RBMS3: variants seen among roughly 807,000 people sequenced by gnomAD.
The protein encoded by RBMS3 is RNA-binding motif, single-stranded-interacting protein 3.
In RBMS3, 27 loss-of-function variants were observed where a neutral mutation model predicts 66.8. That is an observed-to-expected ratio of 0.40 (90% confidence interval 0.30 to 0.56). The LOEUF is 0.56. Ranked by LOEUF, RBMS3 falls within the 20% of genes least tolerant of loss-of-function variation. RBMS3 has a pLI of 0.40. For missense variants in RBMS3, 513 were observed against 549.5 expected, an observed-to-expected ratio of 0.93 and a Z score of 0.66; for synonymous variants, 188 against 183.0, an observed-to-expected ratio of 1.03 and a Z score of -0.22.
intron 13 of RBMS3, among the ~76,000 whole-genome samples, chr3:29,989,462 G>GTCTT (rs1698677282): frequency 6.6e-6 from 1 of 152,164 alleles, no homozygotes; most frequent in Non-Finnish European, 1.5e-5. Context: ...TGCAGCTGAT[G>GTCTT]TCTTTGCTAC....
intron 1 of RBMS3, among the ~76,000 whole-genome samples, chr3:29,360,438 A>T (rs1321671116): frequency 6.6e-6 from 1 of 151,924 alleles, no homozygotes; most frequent in Non-Finnish European, 1.5e-5. Flanking sequence ...CTGTTCTTTT[A>T]CATTTGCTGA....
At chr3:29,343,054 T>C (rs560338666) in intron 1 of RBMS3, among the ~76,000 whole-genome samples, 15 of 152,272 alleles carry the variant, frequency 9.9e-5, no homozygotes, top group African/African-American at 3.6e-4. Flanking sequence ...AGGATACTTT[T>C]GAAATGGTGA....
intron 1 of RBMS3, among the ~76,000 whole-genome samples, chr3:29,306,290 C>T (rs2034009373): frequency 6.6e-6 from 1 of 151,908 alleles, no homozygotes; most frequent in African/African-American, 2.4e-5. Flanking sequence ...GGAATAGCAG[C>T]TGTTCTTTTC....
chr3:29,540,204 C>G (rs2045707404), intron 3 of RBMS3, among the ~76,000 whole-genome samples: 1 of 152,204 alleles, frequency 6.6e-6, no homozygotes, highest in Non-Finnish European at 1.5e-5. Flanking sequence ...TATATCTCAT[C>G]TGTTCTTCAA....
At chr3:29,364,604 T>C (rs2037791528) in intron 1 of RBMS3, among the ~76,000 whole-genome samples, 1 of 152,180 alleles carries the variant, frequency 6.6e-6, no homozygotes, top group Admixed American at 6.6e-5. Context: ...TTGGGCCTTC[T>C]TCACATACTT....
At chr3:29,614,188 A>G (rs1418101710) in intron 4 of RBMS3, among the ~76,000 whole-genome samples, 1 of 152,148 alleles carries the variant, frequency 6.6e-6, no homozygotes, top group Admixed American at 6.6e-5. Flanking sequence ...ATGAACCTGG[A>G]GGACAATACA....
chr3:29,475,675 A>G, intron 2 of RBMS3, among the ~76,000 whole-genome samples: 1 of 152,178 alleles, frequency 6.6e-6, no homozygotes, highest in Non-Finnish European at 1.5e-5. Context: ...TTGCATCATA[A>G]ACGTATAAAG....
At chr3:29,784,305 A>G (rs762400112) in intron 6 of RBMS3, among the ~76,000 whole-genome samples, 1 of 152,150 alleles carries the variant, frequency 6.6e-6, no homozygotes, top group Non-Finnish European at 1.5e-5. Flanking sequence ...GTCTCAATAC[A>G]TTTAAGAAAA....
chr3:29,915,553 C>G (rs542337120), intron 10 of RBMS3, among the ~76,000 whole-genome samples: 2 of 151,502 alleles, frequency 1.3e-5, no homozygotes, highest in Non-Finnish European at 2.9e-5. Flanking sequence ...ACAGTATGCC[C>G]GTATCTCCAG....
chr3:29,436,028 T>A (rs1179168762), intron 2 of RBMS3, among the ~76,000 whole-genome samples: 2 of 152,070 alleles, frequency 1.3e-5, no homozygotes, highest in South Asian at 2.1e-4. Context: ...AGTATCTGAT[T>A]ATTTTCAAAA....
At chr3:29,875,501 A>G (rs2059592285) in intron 7 of RBMS3, among the ~76,000 whole-genome samples, 1 of 152,180 alleles carries the variant, frequency 6.6e-6, no homozygotes, top group Non-Finnish European at 1.5e-5. Flanking sequence ...GGAACTTGAC[A>G]TACTATAAAA....
At chr3:29,589,813 A>G (rs552215997) in intron 4 of RBMS3, among the ~76,000 whole-genome samples, 1 of 152,200 alleles carries the variant, frequency 6.6e-6, no homozygotes, top group South Asian at 2.1e-4. Context: ...CCTACTATGC[A>G]GGTTGTGGTG....
intron 5 of RBMS3, among the ~76,000 whole-genome samples, chr3:29,745,857 T>C (rs2054868321): frequency 1.3e-5 from 2 of 151,624 alleles, no homozygotes; most frequent in South Asian, 4.2e-4. Flanking sequence ...TGTGCAAGTT[T>C]TCTAAATAAA....
chr3:30,003,789 A>G, intron 14 of RBMS3, 67 bp from the exon 15 acceptor site: 3 of 1,164,836 alleles, frequency 2.6e-6, no homozygotes, highest in Non-Finnish European at 2.3e-6. Flanking sequence ...TCATTGGAAA[A>G]GGGCACAGAA....
At chr3:29,403,589 T>C (rs1326435617) in intron 1 of RBMS3, among the ~76,000 whole-genome samples, 1 of 152,028 alleles carries the variant, frequency 6.6e-6, no homozygotes, top group East Asian at 1.9e-4. Flanking sequence ...GCAATGGGAT[T>C]TCTAAAAGGA....
At chr3:29,894,128 C>G (rs751753063) in intron 8 of RBMS3, among the ~76,000 whole-genome samples, 1 of 151,508 alleles carries the variant, frequency 6.6e-6, no homozygotes, top group Non-Finnish European at 1.5e-5. Flanking sequence ...TTCCTCAGTT[C>G]TGAATGGTAG....
At chr3:29,455,046 C>G (rs996818856) in intron 2 of RBMS3, among the ~76,000 whole-genome samples, 3 of 152,142 alleles carry the variant, frequency 2.0e-5, no homozygotes, top group Non-Finnish European at 2.9e-5. Flanking sequence ...TACTCCATCT[C>G]CCTCCCTATC....
At chr3:29,930,960 A>G in intron 10 of RBMS3, among the ~76,000 whole-genome samples, 1 of 152,222 alleles carries the variant, frequency 6.6e-6, no homozygotes, top group Non-Finnish European at 1.5e-5. Flanking sequence ...CTAACTAACT[A>G]CTTTTTGATT....
At chr3:29,875,205 A>G (rs2059584411) in intron 7 of RBMS3, among the ~76,000 whole-genome samples, 1 of 152,034 alleles carries the variant, frequency 6.6e-6, no homozygotes, top group Admixed American at 6.6e-5. Flanking sequence ...CTGCCACAAG[A>G]TTCAGAATTA....
Sources: gnomAD v4.1 joint callset for allele counts (sites outside exome capture counted in the v4.1 genomes callset) on GRCh38, gnomAD v4.1.1 for gene constraint, MANE v1.5 for transcripts, NCBI Gene and HGNC (gene_info 2026-07-23, HGNC 2026-07-21) for gene names.